The following SLC18A2 variants were observed in gnomAD, a reference collection of about 807,000 sequenced individuals.
The protein encoded by SLC18A2 is synaptic vesicular amine transporter.
Under a neutral mutation model 59.2 loss-of-function variants are expected in SLC18A2, and 33 were observed. The observed-to-expected ratio is 0.56, with a 90% CI of 0.42 to 0.75. The LOEUF (loss-of-function observed/expected upper bound fraction) is 0.75, where lower values mean the gene tolerates loss of function less well. Ranked by LOEUF, SLC18A2 falls within the 30% of genes least tolerant of loss-of-function variation. SLC18A2 has a pLI of 0.00. For missense variants in SLC18A2, 569 were observed against 668.6 expected (o/e 0.85, Z 1.64); for synonymous variants, 228 against 253.5 (o/e 0.90, Z 0.95).
At chr10:117,260,040 G>A (rs914615028) in intron 10 of SLC18A2, among the ~76,000 whole-genome samples, 1 of 152,102 alleles carries the variant, frequency 6.6e-6, no homozygotes, top group East Asian at 1.9e-4. Context: ...TGCTTATTGA[G>A]TTTTTAAAAT....
At chr10:117,265,161 T>C (rs961107881) in intron 10 of SLC18A2, among the ~76,000 whole-genome samples, 8 of 152,216 alleles carry the variant, frequency 5.3e-5, no homozygotes, top group African/African-American at 1.7e-4. Flanking sequence ...ATGAGATTGC[T>C]CTTTATTAGT....
intron 2 of SLC18A2, 109 bp from the exon 3 acceptor site, chr10:117,243,862 A>G: frequency 7.4e-6 from 6 of 813,864 alleles, no homozygotes; most frequent in Non-Finnish European, 9.6e-6. Flanking sequence ...CTGGAATTAC[A>G]GGTGTGAGCC....
At chr10:117,271,128 C>A (rs1412657441) in intron 15 of SLC18A2, among the ~76,000 whole-genome samples, 1 of 152,172 alleles carries the variant, frequency 6.6e-6, no homozygotes, top group South Asian at 2.1e-4. Context: ...ATTTACCTTA[C>A]CCAGCAAGGA....
intron 15 of SLC18A2, among the ~76,000 whole-genome samples, chr10:117,275,668 G>C (rs1844479955): frequency 6.6e-6 from 1 of 152,170 alleles, no homozygotes; most frequent in African/African-American, 2.4e-5. Flanking sequence ...CTCCCACAGA[G>C]GGTTATTGTG....
chr10:117,261,467 T>C (rs1844294333), intron 10 of SLC18A2, among the ~76,000 whole-genome samples: 1 of 152,208 alleles, frequency 6.6e-6, no homozygotes, highest in Non-Finnish European at 1.5e-5. Flanking sequence ...ATTTATATTC[T>C]TTTTATAGTT....
At chr10:117,250,308 C>T (rs750222114) in intron 3 of SLC18A2, among the ~76,000 whole-genome samples, 1 of 152,128 alleles carries the variant, frequency 6.6e-6, no homozygotes, top group Non-Finnish European at 1.5e-5. Context: ...GCAACATGAG[C>T]CTGGTTGTAT....
intron 4 of SLC18A2, 152 bp from the exon 5 acceptor site, chr10:117,253,896 A>G: frequency 1.4e-6 from 1 of 715,426 alleles, no homozygotes; most frequent in Non-Finnish European, 2.4e-6. Context: ...CAATTGCAGA[A>G]AGGAATTGAT....
intron 10 of SLC18A2, among the ~76,000 whole-genome samples, chr10:117,262,240 TA>T (rs142285028): frequency 0.23 from 34,652 of 152,122 alleles, 4,217 homozygotes; most frequent in Middle Eastern, 0.37. Flanking sequence ...AATTGTGTCA[TA>T]AAACAAAACC....
chr10:117,267,761 ACAT>A, intron 13 of SLC18A2, 25 bp downstream of exon 13: 1 of 1,526,858 alleles, frequency 6.5e-7, no homozygotes, highest in South Asian at 1.2e-5. Flanking sequence ...CCTTGTGCCT[ACAT>A]TTAAAACCGC....
At chr10:117,243,395 C>A (rs1470455370) in intron 2 of SLC18A2, among the ~76,000 whole-genome samples, 1 of 152,198 alleles carries the variant, frequency 6.6e-6, no homozygotes, top group Non-Finnish European at 1.5e-5. Context: ...CAGTTCAGCA[C>A]AGCAGCTGCC....
At chr10:117,264,408 A>G (rs566800309) in intron 10 of SLC18A2, among the ~76,000 whole-genome samples, 11 of 152,334 alleles carry the variant, frequency 7.2e-5, no homozygotes, top group Non-Finnish European at 1.3e-4. Flanking sequence ...CCCAAGAGGC[A>G]GAGGTTGCAC....
intron 9 of SLC18A2, among the ~76,000 whole-genome samples, chr10:117,256,424 G>A (rs978677476): frequency 9.2e-5 from 14 of 152,292 alleles, no homozygotes; most frequent in Non-Finnish European, 1.8e-4. Context: ...CTGGCTGCGC[G>A]CTGATGTGTT....
chr10:117,263,564 C>T lies in SLC18A2; in HGVS notation c.992-3169C>T, dbSNP rs529761848. Among the ~76,000 whole-genome samples, 13 of 152,298 alleles carry T rather than the reference C, an allele frequency of 8.5e-5. No individual in the cohort carries two copies. In the South Asian group the frequency reaches 2.7e-3, roughly 32 times the overall value. On this transcript the variant is annotated intron_variant, in intron 10 of 15. Transcript: ENST00000644641. ...TCCACGTCGCTCCCTTGCCAGCCTGCCCCCCAAATTCCTCATCTGCCACTT... is the reference window on the plus strand; with the variant it reads ...TCCACGTCGCTCCCTTGCCAGCCTGTCCCCCAAATTCCTCATCTGCCACTT...
intron 15 of SLC18A2, among the ~76,000 whole-genome samples, chr10:117,274,555 GGCCCCATGCCCT>G (rs1204037896): frequency 2.6e-5 from 4 of 152,142 alleles, no homozygotes; most frequent in African/African-American, 9.7e-5. Context: ...CAAGGATCGA[GGCCCCATGCCCT>G]GCATTCCAGT....
At position 117,244,068 on chromosome 10, in the gene SLC18A2, C is replaced by G. The variant is rs543330601; in HGVS notation, c.219C>G (p.Asp73Glu). Residue 73 changes from aspartate (D) to glutamate (E), a missense_variant, in exon 3 of 16, where the codon GAC (aspartate) becomes GAG (glutamate). Asp to Glu is a conservative substitution (Grantham distance 45). Coordinates refer to ENST00000644641, the MANE Select transcript of SLC18A2 (RefSeq NM_003054.6). Reference sequence around the variant, plus strand: ...CAGTGCACACTGCCTCCATCTCAGACAGCTTCCAGAGCATCTTCTCCTATT... The same window carrying G: ...CAGTGCACACTGCCTCCATCTCAGAGAGCTTCCAGAGCATCTTCTCCTATT... ...ARPVHTASIS[D>E]SFQSIFSYYD... 1.9e-6 allele frequency: 3 copies of G among 1,614,214 alleles called. No homozygotes were observed. Among genetic ancestry groups the G allele is most frequent in the South Asian group, 1.1e-5 (1 of 91,082 alleles).
At chr10:117,248,776 T>A (rs968590067) in intron 3 of SLC18A2, among the ~76,000 whole-genome samples, 1 of 152,214 alleles carries the variant, frequency 6.6e-6, no homozygotes, top group Non-Finnish European at 1.5e-5. Context: ...AGCATAAGGT[T>A]GAAATAATAG....
At chr10:117,256,811 G>A (rs1844236794) in intron 9 of SLC18A2, among the ~76,000 whole-genome samples, 1 of 152,204 alleles carries the variant, frequency 6.6e-6, no homozygotes, top group Non-Finnish European at 1.5e-5. Flanking sequence ...GGGGGCTCCA[G>A]AAATGTGACT....
In SLC18A2 at chr10:117,266,734, C is replaced by A. The variant is rs777692851; in HGVS notation, c.993C>A (p.Gly331=). 1.2e-6 allele frequency: 2 copies of A among 1,611,862 alleles called. No homozygotes were observed. The highest frequency in any genetic ancestry group is 2.2e-5 in the South Asian group (2 of 90,682). Residue 331 remains glycine (G), a splice_region_variant and synonymous_variant, in exon 11 of 16, where the codon GGC becomes GGA. Coordinates refer to ENST00000644641, the MANE Select transcript of SLC18A2 (RefSeq NM_003054.6). The part of the protein sequence containing the change: ...ETMCSRKWQL[G]VAFLPASISY... ...GGTCTCCTTTTCATAAATTTACAGG[C>A]GTTGCCTTCTTGCCAGCTAGTATCT...
intron 3 of SLC18A2, among the ~76,000 whole-genome samples, chr10:117,247,543 C>T (rs1844121295): frequency 6.6e-6 from 1 of 152,218 alleles, no homozygotes; most frequent in African/African-American, 2.4e-5. Context: ...AAGAATGCAG[C>T]TCAAAATCTG....
Sources: allele counts gnomAD v4.1 joint callset (sites outside exome capture counted in the v4.1 genomes callset), GRCh38; gene constraint gnomAD v4.1.1; transcripts MANE v1.5; gene names NCBI Gene and HGNC (gene_info 2026-07-23, HGNC 2026-07-21).